The following MTMR12 variants were observed in gnomAD, a reference collection of about 807,000 sequenced individuals.
MTMR12 encodes myotubularin related protein 12.
In MTMR12, 33 loss-of-function variants were observed where a neutral mutation model predicts 96.7. The ratio of observed to expected loss-of-function variants is 0.34; its 90% CI spans 0.26 to 0.46. The LOEUF (loss-of-function observed/expected upper bound fraction) is 0.46. Among genes scored for constraint, MTMR12 ranks in the 20% least tolerant of loss-of-function variants. The probability of loss-of-function intolerance (pLI) is 1.00; values close to 1 mark genes in which losing one functional copy is unlikely to be tolerated. For missense variants in MTMR12, 721 were observed against 896.1 expected (o/e 0.80, Z 2.49); for synonymous variants, 298 against 327.2 (o/e 0.91, Z 0.96).
rs914619180 is a variant in MTMR12, at chr5:32,282,005, C to T, written c.82-5263G>A. 2.0e-5 allele frequency among the ~76,000 whole-genome samples: 3 copies of T among 152,116 alleles called. No individual in the cohort carries two copies. In the East Asian group the frequency reaches 5.8e-4, roughly 29 times the overall value. ...ATTTTGTTGACAGTAGATCAAGTTG[C>T]TAAAAGGTGGTAACAAATTGAGAAT... On this transcript the variant is annotated intron_variant, in intron 1 of 15. Transcript: ENST00000382142.
At chr5:32,272,376 C>T (rs1418927541) in intron 3 of MTMR12, among the ~76,000 whole-genome samples, 4 of 152,098 alleles carry the variant, frequency 2.6e-5, no homozygotes, top group African/African-American at 9.7e-5. Flanking sequence ...GTGAGAAAAG[C>T]TCCTGAGATT....
At chr5:32,257,999 C>A (rs901646721) in intron 7 of MTMR12, among the ~76,000 whole-genome samples, 1 of 151,814 alleles carries the variant, frequency 6.6e-6, no homozygotes, top group African/African-American at 2.4e-5. Context: ...TAGTGGCGGG[C>A]ACCTATGGTC....
In MTMR12 at chr5:32,228,896, G is replaced by C. The variant is rs1747877341; in HGVS notation, c.*882C>G. ...TCACAAGTGCTCCAAAGCTTCAGCA[G>C]GCAAGTAGAAAAAGGCGAAGCGATT... On this transcript the variant is annotated 3_prime_UTR_variant, in exon 16 of 16. Coordinates refer to ENST00000382142, the MANE Select transcript of MTMR12 (RefSeq NM_001040446.3). The C allele has an allele frequency of 6.6e-6, 1 of 151,910 alleles. No individual in the cohort carries two copies. The highest frequency in any genetic ancestry group is 2.4e-5 in the African/African-American group (1 of 41,308). 9.4% of individuals were successfully genotyped at this position (151,910 alleles called of 1,614,324 possible).
In MTMR12 at chr5:32,228,545, CATAT is replaced by C. The variant is rs537690410; in HGVS notation, c.*1229_*1232del. 7.3e-3 allele frequency: 957 copies of C among 130,746 alleles called. 23 individuals are homozygous for C. The highest frequency in any genetic ancestry group is 0.028 in the African/African-American group (931 of 33,390). 8.1% of individuals were successfully genotyped at this position (130,746 alleles called of 1,614,324 possible). A position where few individuals can be genotyped will look rare whatever the true frequency, so the allele number is the denominator to read the frequency against. ...TATATCATATATATGATATATATAT[CATAT>C]ATATGTGATATATATATATCATATA... On this transcript the variant is annotated 3_prime_UTR_variant, in exon 16 of 16. Transcript: ENST00000382142.
intron 8 of MTMR12, among the ~76,000 whole-genome samples, chr5:32,251,657 G>T (rs893338866): frequency 6.6e-6 from 1 of 152,198 alleles, no homozygotes; most frequent in Non-Finnish European, 1.5e-5. Context: ...GACTACGAAG[G>T]AAGTGCCTCA....
rs558841779 is a variant in MTMR12, at chr5:32,271,114, G to C, written c.359-167C>G. On this transcript the variant is annotated intron_variant, in intron 4 of 15. Coordinates refer to ENST00000382142, the MANE Select transcript of MTMR12 (RefSeq NM_001040446.3). The stretch of plus-strand genomic sequence containing the variant: ...GCCAAAGGAAGCCCAATCTCTTCCA[G>C]CAGGGGCCCTGGCTCTCTGAGAGCA... 4.6e-5 allele frequency among the ~76,000 whole-genome samples: 7 copies of C among 152,346 alleles called. No homozygotes were observed. The South Asian group carries it at 1.2e-3, about 27-fold the overall frequency.
chr5:32,306,625 TA>T (rs770022972), intron 1 of MTMR12, among the ~76,000 whole-genome samples: 1 of 152,190 alleles, frequency 6.6e-6, no homozygotes. Flanking sequence ...CACATGTAAA[TA>T]AAACCTTTCC....
chr5:32,232,143 AC>A (rs1485495496), intron 15 of MTMR12, among the ~76,000 whole-genome samples: 2 of 152,112 alleles, frequency 1.3e-5, no homozygotes, highest in Non-Finnish European at 2.9e-5. Context: ...TGCGGCTGAC[AC>A]CGAGGCTGCA....
Position 32,236,579 on chromosome 5 carries a change from C to T in MTMR12, c.1345-1450G>A, listed in dbSNP as rs541148053. On this transcript the variant is annotated intron_variant, in intron 13 of 15. Coordinates refer to ENST00000382142, the MANE Select transcript of MTMR12 (RefSeq NM_001040446.3). ...AAACAAGGCCAGGCGCTGTGGCTCA[C>T]GCTTGTAATCCCAGCATTTTGGGAG... Among the ~76,000 whole-genome samples, 10 of 151,786 alleles carry T rather than the reference C, an allele frequency of 6.6e-5. No individual in the cohort carries two copies. In the East Asian group the frequency reaches 1.8e-3, roughly 27 times the overall value.
At chr5:32,281,829 G>C (rs1018104768) in intron 1 of MTMR12, among the ~76,000 whole-genome samples, 1 of 151,862 alleles carries the variant, frequency 6.6e-6, no homozygotes, top group Non-Finnish European at 1.5e-5. Flanking sequence ...GAACCTGGGA[G>C]GTGGAGGCTG....
At chr5:32,244,588 T>A (rs1207522292) in intron 10 of MTMR12, among the ~76,000 whole-genome samples, 1 of 151,650 alleles carries the variant, frequency 6.6e-6, no homozygotes, top group African/African-American at 2.4e-5. Context: ...CAGAACTCCA[T>A]CTCAAGAAAA....
chr5:32,235,582 T>C (rs900721419), intron 13 of MTMR12, among the ~76,000 whole-genome samples: 2 of 152,072 alleles, frequency 1.3e-5, no homozygotes, highest in African/African-American at 2.4e-5. Flanking sequence ...GAACTTCTAT[T>C]CCCCACCTGC....
At position 32,312,305 on chromosome 5, in the gene MTMR12, A is replaced by C. The variant is rs544336754; in HGVS notation, c.81+453T>G. Among the ~76,000 whole-genome samples the C allele has an allele frequency of 2.4e-3, 371 of 152,258 alleles. 1 individual carries two copies. Among genetic ancestry groups the C allele is most frequent in the Non-Finnish European group, 4.0e-3 (273 of 68,010 alleles). On this transcript the variant is annotated intron_variant, in intron 1 of 15. Transcript: ENST00000382142. This position sits in a 1 kb window ranked among gnomAD's most constrained non-coding sequence, Gnocchi z 5.0. ...CAGGGCATCCCGCCAGCCGCACCCG[A>C]GGCACTCAGACGCAGGCAGCGGAGG...
chr5:32,296,539 C>T (rs1312685842), intron 1 of MTMR12: 2 of 311,840 alleles, frequency 6.4e-6, no homozygotes, highest in East Asian at 2.2e-4. Context: ...TTACACTTTG[C>T]CTGTAATCCC....
intron 1 of MTMR12, among the ~76,000 whole-genome samples, chr5:32,284,920 A>G (rs1044181842): frequency 6.6e-6 from 1 of 152,240 alleles, no homozygotes; most frequent in African/African-American, 2.4e-5. Flanking sequence ...TGTGCTTTGT[A>G]TACCACCTCT....
chr5:32,230,481 A>G (rs1581582929), intron 15 of MTMR12, 134 bp from the exon 16 acceptor site: 1 of 770,982 alleles, frequency 1.3e-6, no homozygotes, highest in Admixed American at 2.8e-5. Flanking sequence ...GTGAATGCAC[A>G]CTCATTAACA....
intron 10 of MTMR12, among the ~76,000 whole-genome samples, chr5:32,245,196 T>C (rs541820398): frequency 7.9e-5 from 12 of 152,276 alleles, no homozygotes; most frequent in African/African-American, 2.6e-4. Flanking sequence ...CCACCATGCC[T>C]GGCTAATTTT....
rs1411020272 is a variant in MTMR12 at position 32,312,171 on chromosome 5, G to A, written c.81+587C>T. Among the ~76,000 whole-genome samples the A allele has an allele frequency of 2.0e-5, 3 of 152,196 alleles. No homozygotes were observed. The highest frequency in any genetic ancestry group is 6.5e-5 in the Admixed American group (1 of 15,280). On this transcript the variant is annotated intron_variant, in intron 1 of 15. Coordinates refer to ENST00000382142, the MANE Select transcript of MTMR12 (RefSeq NM_001040446.3). This position sits in a 1 kb window ranked among gnomAD's most constrained non-coding sequence, Gnocchi z 5.0. Reference sequence around the variant, plus strand: ...AAGGATGATGGTGAGGGGATGAGGAGAAAGAAGCGACAGCGGAGAATTCCC... The same window carrying A: ...AAGGATGATGGTGAGGGGATGAGGAAAAAGAAGCGACAGCGGAGAATTCCC...
At chr5:32,242,304 G>A (rs1748509042) in intron 11 of MTMR12, among the ~76,000 whole-genome samples, 177 bp from the exon 12 acceptor site, 1 of 151,880 alleles carries the variant, frequency 6.6e-6, no homozygotes, top group South Asian at 2.1e-4. Context: ...TTAGATACTG[G>A]GATATATTCC....
Sources: gnomAD v4.1 joint callset for allele counts (sites outside exome capture counted in the v4.1 genomes callset) on GRCh38, gnomAD v4.1.1 for gene constraint, Gnocchi (gnomAD v3.1) non-coding constraint, MANE v1.5 for transcripts, NCBI Gene and HGNC (gene_info 2026-07-23, HGNC 2026-07-21) for gene names.